The following VWF variants were observed in gnomAD, a reference collection of about 807,000 sequenced individuals.
VWF encodes the protein von Willebrand factor.
In VWF, 176 loss-of-function variants were observed where a neutral mutation model predicts 308.6. The observed-to-expected ratio is 0.57, with a 90% CI of 0.50 to 0.65. The LOEUF (loss-of-function observed/expected upper bound fraction) is 0.65, where lower values mean the gene tolerates loss of function less well. Ranked by LOEUF, VWF falls within the 30% of genes least tolerant of loss-of-function variation. VWF has a pLI of 0.00. For missense variants in VWF, 3,146 were observed against 3,648.2 expected (o/e 0.86, Z 3.55); for synonymous variants, 1,385 against 1,443.4 (o/e 0.96, Z 0.92).
intron 3 of VWF, among the ~76,000 whole-genome samples, chr12:6,113,297 C>CT (rs56714638): frequency 0.03 from 4,230 of 138,822 alleles, 206 homozygotes; most frequent in African/African-American, 0.099. Flanking sequence ...CGTAGAGAAA[C>CT]TTTTTTTTTT....
intron 45 of VWF, 34 bp from the exon 46 acceptor site, chr12:5,968,201 C>A (rs1230156736): frequency 6.2e-7 from 1 of 1,613,450 alleles, no homozygotes; most frequent in East Asian, 2.2e-5. Flanking sequence ...TGAGAGTGGG[C>A]AAAACACACC....
rs1943555431 is a variant in VWF, at chr12:5,978,386, C to T, written c.7288-2126G>A. Among the ~76,000 whole-genome samples the T allele has an allele frequency of 3.9e-5, 6 of 152,314 alleles. No homozygotes were observed. The South Asian group carries it at 1.2e-3, about 32-fold the overall frequency. On this transcript the variant is annotated intron_variant, in intron 42 of 51. Coordinates refer to ENST00000261405, the MANE Select transcript of VWF (RefSeq NM_000552.5). Reference sequence around the variant, plus strand: ...CAAGTGATTCTCCTGCTTCAGCCTACAGAGTAGCTGGAATTACAGGTGCAC... The same window carrying T: ...CAAGTGATTCTCCTGCTTCAGCCTATAGAGTAGCTGGAATTACAGGTGCAC...
Position 6,019,673 on chromosome 12 carries a change from C to G in VWF, c.3745G>C (p.Asp1249His). 6.2e-7 allele frequency: 1 copy of G among 1,613,826 alleles called. No individual in the cohort carries two copies. Among genetic ancestry groups the G allele is most frequent in the Non-Finnish European group, 8.5e-7 (1 of 1,179,820 alleles). ...AGAGTGGTGGGGCTCACCGGGGCAT[C>G]TGTGGGAGGCACCACCAGGCCTCCC... The part of the protein sequence containing the change: ...EPGGLVVPPT[D>H]APVSPTTLYV... Residue 1249 changes from aspartate (D) to histidine (H), a missense_variant, in exon 28 of 52, where the codon GAT becomes CAT. This residue lies in a region of VWF where 853 missense variants were observed against 1,177.8 expected (regional missense o/e 0.72). Coordinates refer to ENST00000261405, the MANE Select transcript of VWF (RefSeq NM_000552.5). The surrounding 1 kb of genome is among the most constrained non-coding windows in gnomAD (Gnocchi z 5.8).
chr12:5,971,584 G>T lies in VWF; in HGVS notation c.7548+15C>A. On this transcript the variant is annotated intron_variant, in intron 44 of 51. Coordinates refer to ENST00000261405, the MANE Select transcript of VWF (RefSeq NM_000552.5). ...CCAATCTGCCCTCCTCCCCGTCCCG[G>T]GGGCCTGGACCTACACTCTTCCAGG... The T allele has an allele frequency of 6.2e-7, 1 of 1,610,706 alleles. No individual in the cohort carries two copies. Among genetic ancestry groups the T allele is most frequent in the East Asian group, 2.2e-5 (1 of 44,844 alleles).
In VWF at chr12:6,025,449, G is replaced by A. The variant is rs1007100668; in HGVS notation, c.3222+131C>T. On this transcript the variant is annotated intron_variant, in intron 24 of 51. Coordinates refer to ENST00000261405, the MANE Select transcript of VWF (RefSeq NM_000552.5). The stretch of plus-strand genomic sequence containing the variant: ...AGATTGAAAGCCAAGAAAAAAAGCC[G>A]AAGTGGTGTCTTGGTGCAGATCATG... The A allele has an allele frequency of 5.4e-5, 42 of 774,948 alleles. 1 individual carries two copies. The highest frequency in any genetic ancestry group is 3.6e-4 in the Admixed American group (18 of 49,420). 48.0% of individuals were successfully genotyped at this position (774,948 alleles called of 1,614,324 possible). A position where few individuals can be genotyped will look rare whatever the true frequency, so the allele number is the denominator to read the frequency against.
chr12:6,035,077 G>T (rs1408098913), intron 19 of VWF, among the ~76,000 whole-genome samples: 3 of 152,182 alleles, frequency 2.0e-5, no homozygotes, highest in Admixed American at 1.3e-4. Context: ...GGAAGGGGTT[G>T]TCCAAAGTGA....
At chr12:5,952,576 T>C in intron 48 of VWF, 57 bp from the exon 49 acceptor site, 1 of 1,598,998 alleles carries the variant, frequency 6.3e-7, no homozygotes, top group East Asian at 2.3e-5. Flanking sequence ...ACAAAGCCAC[T>C]TCAAACCATG....
chr12:6,057,776 C>T, intron 14 of VWF, 73 bp downstream of exon 14: 2 of 1,493,814 alleles, frequency 1.3e-6, no homozygotes, highest in Non-Finnish European at 8.9e-7. Flanking sequence ...AGCACTGCCT[C>T]CGGAACGCAC....
chr12:5,954,835 C>CT (rs1295430196), intron 47 of VWF, among the ~76,000 whole-genome samples: 1 of 152,152 alleles, frequency 6.6e-6, no homozygotes, highest in Non-Finnish European at 1.5e-5. Flanking sequence ...GTTGGAGGGG[C>CT]TGGGTAAACA....
chr12:5,952,472 G>T lies in VWF; in HGVS notation c.8034C>A (p.Val2678=), dbSNP rs1383648930. Residue 2678 remains valine (V), a synonymous_variant, in exon 49 of 52, where the codon GTC becomes GTA. Coordinates refer to ENST00000261405, the MANE Select transcript of VWF (RefSeq NM_000552.5). The stretch of plus-strand genomic sequence containing the variant: ...CCCAGAAGTACTCTCCTCTCTCATT[G>T]ACCTTGCAGAAGTGAGTATCACAGC... The part of the protein sequence containing the change: ...QDGCDTHFCK[V]NERGEYFWEK... 15 of 1,614,098 alleles carry T rather than the reference G, an allele frequency of 9.3e-6. No homozygotes were observed. Among genetic ancestry groups the T allele is most frequent in the Non-Finnish European group, 1.3e-5 (15 of 1,180,000 alleles).
In VWF at chr12:6,030,723, A is replaced by G. The variant is rs185624045; in HGVS notation, c.2820+721T>C. Among the ~76,000 whole-genome samples the G allele has an allele frequency of 1.8e-4, 27 of 151,930 alleles. No individual in the cohort carries two copies. The East Asian group carries it at 5.0e-3, about 28-fold the overall frequency. On this transcript the variant is annotated intron_variant, in intron 21 of 51. Coordinates refer to ENST00000261405, the MANE Select transcript of VWF (RefSeq NM_000552.5). ...AGTACACAGGGGACTGAATTAGTTT[A>G]CTCCTCTTTTGAGCTCCTTTCTGGC... is the stretch of plus-strand genomic sequence containing the variant.
At chr12:5,975,375 C>A (rs1052751724) in intron 43 of VWF, among the ~76,000 whole-genome samples, 1 of 152,186 alleles carries the variant, frequency 6.6e-6, no homozygotes, top group Non-Finnish European at 1.5e-5. Flanking sequence ...CGCATTAAAC[C>A]AGCAAGCAGA....
rs572962707 is a variant in VWF at position 6,019,059 on chromosome 12, G to A, written c.4359C>T (p.Ile1453=). 2.9e-5 allele frequency: 47 copies of A among 1,613,782 alleles called. No homozygotes were observed. The highest frequency in any genetic ancestry group is 6.7e-5 in the East Asian group (3 of 44,884). Residue 1453 remains isoleucine, a synonymous_variant, in exon 28 of 52, where the codon ATC becomes ATT. Transcript: ENST00000261405. This position sits in a 1 kb window ranked among gnomAD's most constrained non-coding sequence, Gnocchi z 5.8. The part of the protein sequence containing the change: ...VDELEQQRDE[I]VSYLCDLAPE... ...GGGCAAGGTCACAGAGGTAGCTAAC[G>A]ATCTCGTCCCTTTGCTGCTCCAGCT... is the stretch of plus-strand genomic sequence containing the variant.
At chr12:6,052,481 G>T (rs1022586996) in intron 16 of VWF, 62 bp downstream of exon 16, 1 of 1,612,592 alleles carries the variant, frequency 6.2e-7, no homozygotes. Context: ...GGACTTGGGG[G>T]TCCCGTTTTC....
At chr12:5,965,732 C>T (rs1943394460) in intron 47 of VWF, among the ~76,000 whole-genome samples, 1 of 152,182 alleles carries the variant, frequency 6.6e-6, no homozygotes, top group Non-Finnish European at 1.5e-5. Context: ...CTACCCCCAA[C>T]CCAGGAGGTG....
chr12:6,032,586 C>T (rs1411977350), intron 20 of VWF, among the ~76,000 whole-genome samples: 3 of 151,412 alleles, frequency 2.0e-5, no homozygotes, highest in South Asian at 2.1e-4. Context: ...TGCAGTGAGC[C>T]GAGATCGCAC....
chr12:6,047,273 C>A (rs563451840), intron 16 of VWF, among the ~76,000 whole-genome samples: 29 of 152,256 alleles, frequency 1.9e-4, no homozygotes, highest in African/African-American at 6.3e-4. Context: ...ATCAGCAGCT[C>A]GGACCGCTCC....
chr12:6,112,442 C>T (rs1945317625), intron 3 of VWF, among the ~76,000 whole-genome samples: 1 of 152,074 alleles, frequency 6.6e-6, no homozygotes, highest in Non-Finnish European at 1.5e-5. Context: ...GGTCTCAAGC[C>T]TTGGAGACTG....
Position 6,075,279 on chromosome 12 carries a change from C to G in VWF, c.874+56G>C, listed in dbSNP as rs1944829154. The G allele has an allele frequency of 1.2e-6, 2 of 1,610,148 alleles. No homozygotes were observed. The highest frequency in any genetic ancestry group is 1.7e-6 in the Non-Finnish European group (2 of 1,177,834). On this transcript the variant is annotated intron_variant, in intron 7 of 51. Coordinates refer to ENST00000261405, the MANE Select transcript of VWF (RefSeq NM_000552.5). The surrounding 1 kb of genome is among the most constrained non-coding windows in gnomAD (Gnocchi z 4.7). Reference sequence around the variant, plus strand: ...CCCCGAAGCACCCTAAGGGACACCACCCAGGACAGACCGTTCATCCCCGGC... The same window carrying G: ...CCCCGAAGCACCCTAAGGGACACCAGCCAGGACAGACCGTTCATCCCCGGC...
Sources: allele counts gnomAD v4.1 joint callset (sites outside exome capture counted in the v4.1 genomes callset), GRCh38; gene constraint gnomAD v4.1.1; regional missense constraint gnomAD v4.1.1; non-coding constraint Gnocchi (gnomAD v3.1); transcripts MANE v1.5; gene names NCBI Gene and HGNC (gene_info 2026-07-23, HGNC 2026-07-21).